Variants in IGF1R observed in about 807,000 individuals in gnomAD.
The protein encoded by IGF1R is insulin-like growth factor 1 receptor.
Under a neutral mutation model 144.6 loss-of-function variants are expected in IGF1R, and 44 were observed. That is an observed-to-expected ratio of 0.30 (90% CI 0.24 to 0.39). The LOEUF (loss-of-function observed/expected upper bound fraction) is 0.39. IGF1R is among the 10% of genes least tolerant of loss of function. The pLI is 1.00. For missense variants in IGF1R, 1,355 were observed against 1,833.7 expected, an observed-to-expected ratio of 0.74 and a Z score of 4.77; for synonymous variants, 795 against 722.8, an observed-to-expected ratio of 1.10 and a Z score of -1.60.
At chr15:98,851,090 G>T (rs920959759) in intron 2 of IGF1R, among the ~76,000 whole-genome samples, 3 of 152,194 alleles carry the variant, frequency 2.0e-5, no homozygotes, top group South Asian at 4.1e-4. Flanking sequence ...AAGGGAAGCC[G>T]TGGAGAACAG....
rs149531384 is a variant in IGF1R, at chr15:98,836,302, A to C, written c.641-55023A>C. 3.9e-5 allele frequency among the ~76,000 whole-genome samples: 6 copies of C among 152,130 alleles called. No homozygotes were observed. The South Asian group carries it at 8.3e-4, about 21-fold the overall frequency. On this transcript the variant is annotated intron_variant, in intron 2 of 20. Transcript: ENST00000650285. Reference sequence around the variant, plus strand: ...AATCCCAGTGCTCTGGGAAACCAAGACAAATCTCTTAAAGCCAGGAGTTTG... The same window carrying C: ...AATCCCAGTGCTCTGGGAAACCAAGCCAAATCTCTTAAAGCCAGGAGTTTG...
chr15:98,893,693 A>G (rs563521521), intron 3 of IGF1R, among the ~76,000 whole-genome samples: 1 of 152,228 alleles, frequency 6.6e-6, no homozygotes, highest in Non-Finnish European at 1.5e-5. Flanking sequence ...GTCGTTCTGC[A>G]GCCACCAGAG....
chr15:98,911,232 AG>A, intron 6 of IGF1R, 82 bp from the exon 7 acceptor site: 1 of 1,525,398 alleles, frequency 6.6e-7, no homozygotes, highest in East Asian at 2.3e-5. Context: ...GCTTTGGGGA[AG>A]GGGGAAGCAG....
chr15:98,676,477 T>A (rs983655918), intron 1 of IGF1R, among the ~76,000 whole-genome samples: 1 of 152,188 alleles, frequency 6.6e-6, no homozygotes, highest in Non-Finnish European at 1.5e-5. Context: ...TGATTTGCCT[T>A]TTGTTTGTGG....
chr15:98,716,261 G>A (rs1291169494), intron 2 of IGF1R, among the ~76,000 whole-genome samples: 1 of 152,164 alleles, frequency 6.6e-6, no homozygotes, highest in African/African-American at 2.4e-5. Context: ...GGTCTGCTCT[G>A]AGAAGATTTC....
At chr15:98,885,381 C>G (rs1008819165) in intron 2 of IGF1R, among the ~76,000 whole-genome samples, 1 of 152,210 alleles carries the variant, frequency 6.6e-6, no homozygotes, top group East Asian at 1.9e-4. Flanking sequence ...TAGAGCCCCT[C>G]GCTTGCCCTC....
At chr15:98,840,280 ACT>A (rs138505754) in intron 2 of IGF1R, among the ~76,000 whole-genome samples, 12 of 152,296 alleles carry the variant, frequency 7.9e-5, no homozygotes, top group African/African-American at 2.9e-4. Context: ...AACAGTGCGC[ACT>A]GTTATCAAAC....
chr15:98,949,393 T>TTTG (rs2151727758), intron 20 of IGF1R, among the ~76,000 whole-genome samples: 1 of 151,592 alleles, frequency 6.6e-6, no homozygotes, highest in African/African-American at 2.4e-5. Context: ...TTTTTTTTTT[T>TTTG]TTTGAGATGG....
intron 2 of IGF1R, among the ~76,000 whole-genome samples, chr15:98,767,335 G>C (rs754479801): frequency 6.6e-6 from 1 of 152,178 alleles, no homozygotes; most frequent in Non-Finnish European, 1.5e-5. Context: ...CTGTGCTGCA[G>C]TTTGGATTCA....
At chr15:98,712,569 G>T (rs2054017461) in intron 2 of IGF1R, among the ~76,000 whole-genome samples, 1 of 150,648 alleles carries the variant, frequency 6.6e-6, no homozygotes, top group Non-Finnish European at 1.5e-5. Context: ...CTGCTATTGT[G>T]TCCTGTGGCT....
intron 2 of IGF1R, among the ~76,000 whole-genome samples, chr15:98,879,557 C>CT (rs2013263338): frequency 6.6e-6 from 1 of 152,116 alleles, no homozygotes; most frequent in African/African-American, 2.4e-5. Context: ...TCTCTTAACT[C>CT]TTTTTTCCTG....
chr15:98,897,037 G>A (rs78387701), intron 4 of IGF1R, 132 bp downstream of exon 4: 43 of 795,802 alleles, frequency 5.4e-5, no homozygotes, highest in African/African-American at 5.0e-4. Context: ...TAAGCCTCAC[G>A]CATGACGTCT....
intron 2 of IGF1R, among the ~76,000 whole-genome samples, chr15:98,760,179 TA>T (rs5814896): frequency 1.4e-3 from 209 of 144,808 alleles, no homozygotes; most frequent in Admixed American, 1.7e-3. Context: ...TGTCTCTACT[TA>T]AAAAAAAAAA....
chr15:98,651,509 A>G (rs1408258151), intron 1 of IGF1R, among the ~76,000 whole-genome samples: 1 of 152,182 alleles, frequency 6.6e-6, no homozygotes, highest in Admixed American at 6.5e-5. Context: ...GAAATAATCC[A>G]TTTTGTTATG....
intron 1 of IGF1R, among the ~76,000 whole-genome samples, chr15:98,698,635 C>T (rs553761559): frequency 3.3e-5 from 5 of 152,334 alleles, no homozygotes; most frequent in East Asian, 3.9e-4. Flanking sequence ...CCTTCCTGTG[C>T]ATGAACTAGA....
intron 2 of IGF1R, among the ~76,000 whole-genome samples, chr15:98,860,041 G>A (rs1355168455): frequency 6.6e-6 from 1 of 152,076 alleles, no homozygotes; most frequent in Non-Finnish European, 1.5e-5. Flanking sequence ...TCAGCCTCCC[G>A]AGTAGCTGGA....
intron 2 of IGF1R, among the ~76,000 whole-genome samples, chr15:98,827,755 G>A (rs1002901014): frequency 6.6e-6 from 1 of 152,060 alleles, no homozygotes; most frequent in African/African-American, 2.4e-5. Context: ...GCTAATTTTT[G>A]TATTTTTAGT....
intron 12 of IGF1R, among the ~76,000 whole-genome samples, chr15:98,924,229 C>T (rs1023131458): frequency 3.3e-5 from 5 of 152,368 alleles, no homozygotes; most frequent in East Asian, 1.9e-4. Context: ...CCTCAAGAAA[C>T]GATTTCATTG....
chr15:98,659,907 TACTC>T (rs1424940479), intron 1 of IGF1R, among the ~76,000 whole-genome samples: 3 of 152,200 alleles, frequency 2.0e-5, no homozygotes, highest in Admixed American at 6.5e-5. Context: ...CAGCCAGAAA[TACTC>T]ACAGAGAATA....
Sources: allele counts gnomAD v4.1 joint callset (sites outside exome capture counted in the v4.1 genomes callset), GRCh38; gene constraint gnomAD v4.1.1; transcripts MANE v1.5; gene names NCBI Gene and HGNC (gene_info 2026-07-23, HGNC 2026-07-21).